Variants in ZNF33B observed in about 807,000 individuals in gnomAD.
The protein encoded by ZNF33B is zinc finger protein 33B, also known as zinc finger protein 11b (KOX 2).
Under a neutral mutation model 45.8 loss-of-function variants are expected in ZNF33B, and 29 were observed. The observed-to-expected ratio is 0.63, with a 90% CI of 0.47 to 0.86. The LOEUF (loss-of-function observed/expected upper bound fraction) is 0.86, where lower values mean the gene tolerates loss of function less well. ZNF33B is among the 40% of genes least tolerant of loss of function. The pLI is 0.00. For missense variants in ZNF33B, 831 were observed against 909.9 expected (o/e 0.91, Z 1.12); for synonymous variants, 305 against 307.8 (o/e 0.99, Z 0.10).
intron 4 of ZNF33B, among the ~76,000 whole-genome samples, chr10:42,603,589 G>T (rs556285591): frequency 6.6e-6 from 1 of 152,254 alleles, no homozygotes; most frequent in African/African-American, 2.4e-5. Flanking sequence ...TTTCAGAATG[G>T]CAACATAAAA....
In ZNF33B at chr10:42,592,712, T is replaced by C; in HGVS notation, c.2238A>G (p.Glu746=). 6.2e-7 allele frequency: 1 copy of C among 1,614,110 alleles called. No individual in the cohort carries two copies. The highest frequency in any genetic ancestry group is 1.1e-5 in the South Asian group (1 of 91,084). ...LAKHQRSHTG[E]KPYECNTCRK... is the part of the protein sequence containing the mutation. ...TGCATGTGTTACATTCATAGGGCTT[T>C]TCCCCTGTATGTGATCTCTGATGTT... Residue 746 remains glutamate (E), a synonymous_variant, in exon 5 of 5, where the codon GAA becomes GAG. Coordinates refer to ENST00000359467, the MANE Select transcript of ZNF33B (RefSeq NM_006955.3).
At chr10:42,588,481 G>C (rs185389350), downstream of ZNF33B, among the ~76,000 whole-genome samples, 68 of 152,336 alleles carry the variant, frequency 4.5e-4, no homozygotes, top group African/African-American at 1.6e-3. Flanking sequence ...GCCAGTGGTT[G>C]TAACTGCTTC....
At chr10:42,595,336 G>A (rs1837352790) in intron 4 of ZNF33B, among the ~76,000 whole-genome samples, 1 of 152,288 alleles carries the variant, frequency 6.6e-6, no homozygotes, top group Non-Finnish European at 1.5e-5. Context: ...TCAGGCTACT[G>A]GGAAATCCAA....
intron 2 of ZNF33B, among the ~76,000 whole-genome samples, chr10:42,635,050 C>T (rs1217226490): frequency 1.3e-5 from 2 of 152,076 alleles, no homozygotes; most frequent in African/African-American, 4.8e-5. Context: ...AGTTTGAGAC[C>T]AGCCTGGCCA....
chr10:42,632,267 T>C (rs776623045), intron 3 of ZNF33B, 28 bp downstream of exon 3: 1 of 1,584,490 alleles, frequency 6.3e-7, no homozygotes, highest in Non-Finnish European at 8.6e-7. Context: ...CGAATGCTAT[T>C]TAGAATGATA....
Position 42,589,379 on chromosome 10 carries a change from C to G in ZNF33B, c.*3234G>C, listed in dbSNP as rs1837011378. The G allele has an allele frequency of 6.6e-6, 1 of 152,136 alleles. No homozygotes were observed. Among genetic ancestry groups the G allele is most frequent in the Non-Finnish European group, 1.5e-5 (1 of 68,030 alleles). The allele number at this position is 152,136 out of a possible 1,614,324, so 9.4% of individuals were successfully genotyped here. A position where few individuals can be genotyped will look rare whatever the true frequency, so the allele number is the denominator to read the frequency against. ...TGTTTTCCGTTCACTGTTTTCCATT[C>G]TCTGCATTTTGACAAATTACAGTAC... On this transcript the variant is annotated 3_prime_UTR_variant, in exon 5 of 5. Transcript: ENST00000359467.
intron 2 of ZNF33B, 92 bp downstream of exon 2, chr10:42,636,828 A>C: frequency 6.3e-7 from 1 of 1,580,566 alleles, no homozygotes; most frequent in Non-Finnish European, 8.7e-7. Context: ...ACTCCATGTC[A>C]CAAACAAAAC....
At chr10:42,620,354 A>T (rs1480602529) in intron 4 of ZNF33B, among the ~76,000 whole-genome samples, 4 of 152,078 alleles carry the variant, frequency 2.6e-5, no homozygotes, top group Non-Finnish European at 5.9e-5. Flanking sequence ...TTAAATGATA[A>T]TTGCTTGAAC....
intron 1 of ZNF33B, among the ~76,000 whole-genome samples, chr10:42,576,358 C>A (rs952150606): frequency 2.0e-5 from 3 of 152,152 alleles, no homozygotes; most frequent in Non-Finnish European, 4.4e-5. Context: ...TTATTAATAT[C>A]AATAAAAATA....
intron 1 of ZNF33B, among the ~76,000 whole-genome samples, chr10:42,579,054 C>T (rs1836786531): frequency 6.6e-6 from 1 of 152,180 alleles, no homozygotes; most frequent in Admixed American, 6.5e-5. Context: ...TGGTCATTGT[C>T]TCTGCACGGG....
At chr10:42,581,507 C>T (rs951893240) in intron 1 of ZNF33B, 2 of 144,116 alleles carry the variant, frequency 1.4e-5, no homozygotes, top group Admixed American at 6.9e-5. Flanking sequence ...CACGGGAAGA[C>T]ATGGAGATTG....
intron 4 of ZNF33B, among the ~76,000 whole-genome samples, chr10:42,608,844 C>T (rs150915604): frequency 9.7e-4 from 138 of 141,624 alleles, no homozygotes; most frequent in African/African-American, 3.4e-3. Flanking sequence ...TGGAAAAGAT[C>T]AACAAAATAT....
chr10:42,635,317 TC>T (rs1839241824), intron 2 of ZNF33B, among the ~76,000 whole-genome samples: 1 of 151,858 alleles, frequency 6.6e-6, no homozygotes, highest in Non-Finnish European at 1.5e-5. Flanking sequence ...ATTAGTCAAC[TC>T]TGCCACTGAA....
intron 4 of ZNF33B, among the ~76,000 whole-genome samples, chr10:42,629,250 G>A (rs1310519793): frequency 1.3e-5 from 2 of 151,846 alleles, no homozygotes; most frequent in Non-Finnish European, 2.9e-5. Context: ...CTGAACTCAT[G>A]GAGATGAGGT....
intron 4 of ZNF33B, chr10:42,605,243 C>A: frequency 7.6e-6 from 1 of 132,098 alleles, no homozygotes; most frequent in Admixed American, 8.3e-5. Context: ...CAGAGAAGTT[C>A]ATGAAGTGCT....
chr10:42,588,982 A>C (rs1330958178), downstream of ZNF33B: 1 of 164,296 alleles, frequency 6.1e-6, no homozygotes, highest in African/African-American at 2.4e-5. Flanking sequence ...CAGTTACCAT[A>C]ATTTAAAATA....
At chr10:42,576,134 G>A (rs1490477109) in intron 1 of ZNF33B, among the ~76,000 whole-genome samples, 5 of 151,572 alleles carry the variant, frequency 3.3e-5, no homozygotes, top group East Asian at 1.9e-4. Flanking sequence ...CACGTGATCC[G>A]CCCGCCTTGG....
chr10:42,633,602 T>C (rs1341873109), intron 2 of ZNF33B, among the ~76,000 whole-genome samples: 4 of 152,184 alleles, frequency 2.6e-5, no homozygotes, highest in East Asian at 3.9e-4. Flanking sequence ...AGGGCCACAA[T>C]GTAAACCAGG....
At chr10:42,620,789 G>A (rs1260383722) in intron 4 of ZNF33B, among the ~76,000 whole-genome samples, 2 of 152,052 alleles carry the variant, frequency 1.3e-5, no homozygotes, top group Non-Finnish European at 2.9e-5. Flanking sequence ...CTGAAAGGCT[G>A]ATAAAAGATA....
Sources: gnomAD v4.1 joint callset for allele counts (sites outside exome capture counted in the v4.1 genomes callset) on GRCh38, gnomAD v4.1.1 for gene constraint, MANE v1.5 for transcripts, NCBI Gene and HGNC (gene_info 2026-07-23, HGNC 2026-07-21) for gene names.